Variants in FGF2 observed in about 807,000 individuals in gnomAD.
The protein encoded by FGF2 is fibroblast growth factor 2.
Under a neutral mutation model 15.9 loss-of-function variants are expected in FGF2, and 13 were observed. The ratio of observed to expected loss-of-function variants is 0.82; its 90% CI spans 0.53 to 1.30. FGF2 has a LOEUF of 1.30. FGF2 is among the 50% of genes most tolerant of loss of function. The pLI is 0.00. For missense variants in FGF2, 163 were observed against 196.9 expected (o/e 0.83, Z 1.03); for synonymous variants, 90 against 78.4 (o/e 1.15, Z -0.78).
intron 1 of FGF2, among the ~76,000 whole-genome samples, chr4:122,848,041 T>C (rs1202706309): frequency 6.6e-6 from 1 of 152,274 alleles, no homozygotes. Flanking sequence ...AAGGCATTTG[T>C]TGACATAAAC....
At position 122,893,075 on chromosome 4, in the gene FGF2, G is replaced by A; in HGVS notation, c.*679G>A. 6.2e-7 allele frequency: 1 copy of A among 1,614,116 alleles called. No individual in the cohort carries two copies. Among genetic ancestry groups the A allele is most frequent in the South Asian group, 1.1e-5 (1 of 91,080 alleles). ...GCATTCTTCCTGGCAAAAATTTATG[G>A]TGAATGAATATGGCTTTAGGCGGCA... is the stretch of plus-strand genomic sequence containing the variant. On this transcript the variant is annotated 3_prime_UTR_variant, in exon 3 of 3. Coordinates refer to ENST00000644866, the MANE Select transcript of FGF2 (RefSeq NM_001361665.2).
intron 2 of FGF2, among the ~76,000 whole-genome samples, chr4:122,886,549 CATTT>C (rs1560758235): frequency 6.6e-6 from 1 of 152,070 alleles, no homozygotes; most frequent in Non-Finnish European, 1.5e-5. Flanking sequence ...CATTTTCCTC[CATTT>C]ATTTATTTAT....
At chr4:122,873,890 G>A (rs1420464234) in intron 1 of FGF2, among the ~76,000 whole-genome samples, 1 of 152,178 alleles carries the variant, frequency 6.6e-6, no homozygotes, top group Non-Finnish European at 1.5e-5. Flanking sequence ...TTTAATGAAT[G>A]ACAACAATCC....
At chr4:122,838,085 C>T (rs562351139) in intron 1 of FGF2, among the ~76,000 whole-genome samples, 1 of 152,238 alleles carries the variant, frequency 6.6e-6, no homozygotes, top group African/African-American at 2.4e-5. Context: ...TGTATAAAGA[C>T]ATAGACAGAA....
intron 1 of FGF2, among the ~76,000 whole-genome samples, chr4:122,873,670 T>G (rs1232562189): frequency 6.6e-6 from 1 of 152,232 alleles, no homozygotes; most frequent in African/African-American, 2.4e-5. Context: ...ATCTCTATTT[T>G]GGGAAGAGAT....
At chr4:122,851,237 T>C (rs1726225506) in intron 1 of FGF2, among the ~76,000 whole-genome samples, 1 of 152,198 alleles carries the variant, frequency 6.6e-6, no homozygotes, top group Non-Finnish European at 1.5e-5. Context: ...CCTAGATTGC[T>C]GGGTAACTTT....
chr4:122,881,797 C>T (rs993836421), intron 2 of FGF2: 12 of 155,450 alleles, frequency 7.7e-5, no homozygotes, highest in African/African-American at 2.9e-4. Context: ...CTTTCAGCAG[C>T]ACCCCATTCC....
At chr4:122,871,024 C>G (rs982656826) in intron 1 of FGF2, among the ~76,000 whole-genome samples, 6 of 152,166 alleles carry the variant, frequency 3.9e-5, no homozygotes, top group African/African-American at 1.4e-4. Flanking sequence ...TACATTGTCT[C>G]TTTGTTCTCG....
chr4:122,878,190 A>G (rs934885898), intron 2 of FGF2, among the ~76,000 whole-genome samples: 1 of 152,210 alleles, frequency 6.6e-6, no homozygotes, highest in Non-Finnish European at 1.5e-5. Flanking sequence ...TATATTTTGC[A>G]TACATGCATA....
chr4:122,844,074 CT>C (rs1726051610), intron 1 of FGF2, among the ~76,000 whole-genome samples: 2 of 152,138 alleles, frequency 1.3e-5, no homozygotes, highest in Admixed American at 6.5e-5. Flanking sequence ...AGCATTTTAC[CT>C]ACAGTAGAAC....
chr4:122,891,072 G>T (rs914167402), intron 2 of FGF2, among the ~76,000 whole-genome samples: 1 of 136,272 alleles, frequency 7.3e-6, no homozygotes, highest in Non-Finnish European at 1.5e-5. Context: ...ACGGAGTCTC[G>T]CTGTGTCTCC....
chr4:122,857,944 T>G (rs961167680), intron 1 of FGF2, among the ~76,000 whole-genome samples: 4 of 152,214 alleles, frequency 2.6e-5, no homozygotes, highest in Admixed American at 2.6e-4. Flanking sequence ...CTATAAGAGT[T>G]GATACACAGA....
intron 2 of FGF2, among the ~76,000 whole-genome samples, chr4:122,891,021 C>CTTTTTTTTTTTTTTTTTTTTTTTTTT (rs769084285): frequency 2.1e-5 from 2 of 94,738 alleles, no homozygotes; most frequent in African/African-American, 3.2e-5. Context: ...AACAATTTAT[C>CTTTTTTTTTTTTTTTTTTTTTTTTTT]TTTTTTTTTT....
chr4:122,846,883 C>T (rs1264995139), intron 1 of FGF2, among the ~76,000 whole-genome samples: 3 of 152,186 alleles, frequency 2.0e-5, no homozygotes, highest in South Asian at 2.1e-4. Context: ...GTTCCTGTTT[C>T]GGGAAACACT....
At chr4:122,828,302 G>A (rs1005437070) in intron 1 of FGF2, among the ~76,000 whole-genome samples, 1 of 152,152 alleles carries the variant, frequency 6.6e-6, no homozygotes, top group African/African-American at 2.4e-5. Flanking sequence ...CTGGTCTAGA[G>A]GAAAGAGAAA....
At chr4:122,839,372 A>AAAC (rs142579201) in intron 1 of FGF2, among the ~76,000 whole-genome samples, 11,234 of 152,108 alleles carry the variant, frequency 0.074, 620 homozygotes, top group African/African-American at 0.14. Flanking sequence ...TAAGATTTTA[A>AAAC]AACAACAACA....
rs1262053015 is a variant in FGF2, at chr4:122,827,553, C to T, written c.178+201C>T. On this transcript the variant is annotated intron_variant, in intron 1 of 2. Coordinates refer to ENST00000644866, the MANE Select transcript of FGF2 (RefSeq NM_001361665.2). This position sits in a 1 kb window ranked among gnomAD's most constrained non-coding sequence, Gnocchi z 4.2. ...GGCTGCGGCGTAGGCCCGGGTGTCC[C>T]CTGGGCTTTGGGGTGTGCCAATTTG... Among the ~76,000 whole-genome samples the T allele has an allele frequency of 1.3e-5, 2 of 152,110 alleles. No individual in the cohort carries two copies. Among genetic ancestry groups the T allele is most frequent in the African/African-American group, 2.4e-5 (1 of 41,422 alleles).
intron 1 of FGF2, among the ~76,000 whole-genome samples, chr4:122,859,939 G>A (rs1291752793): frequency 6.6e-6 from 1 of 151,990 alleles, no homozygotes; most frequent in Admixed American, 6.6e-5. Context: ...GTCATTTTTG[G>A]TACCATTTGA....
At chr4:122,865,342 G>A (rs1726552217) in intron 1 of FGF2, among the ~76,000 whole-genome samples, 1 of 152,140 alleles carries the variant, frequency 6.6e-6, no homozygotes, top group Admixed American at 6.6e-5. Flanking sequence ...CCAGGCTGGA[G>A]TGCATTCGTG....
Sources: allele counts gnomAD v4.1 joint callset (sites outside exome capture counted in the v4.1 genomes callset), GRCh38; gene constraint gnomAD v4.1.1; non-coding constraint Gnocchi (gnomAD v3.1); transcripts MANE v1.5; gene names NCBI Gene and HGNC (gene_info 2026-07-23, HGNC 2026-07-21).